GAK: variants seen among roughly 807,000 people sequenced by gnomAD.
The protein encoded by GAK is cyclin G associated kinase, also known as cyclin-G-associated kinase.
In GAK, 79 loss-of-function variants were observed where a neutral mutation model predicts 143.9. The ratio of observed to expected loss-of-function variants is 0.55; its 90% CI spans 0.46 to 0.66. The LOEUF (loss-of-function observed/expected upper bound fraction) is 0.66. GAK is among the 30% of genes least tolerant of loss of function. The probability of loss-of-function intolerance (pLI) is 0.00; values close to 1 mark genes in which losing one functional copy is unlikely to be tolerated. For synonymous variants in GAK, 881 were observed against 765.5 expected (o/e 1.15, Z -2.49); for missense variants, 1,693 against 1,779.7 (o/e 0.95, Z 0.88).
intron 25 of GAK, 120 bp downstream of exon 25, chr4:851,630 G>T (rs756235511): frequency 1.7e-5 from 18 of 1,030,180 alleles, no homozygotes; most frequent in African/African-American, 4.7e-5. Flanking sequence ...TCTCTGAGTG[G>T]CTTGGCCGTG....
chr4:892,925 G>T lies in GAK; in HGVS notation c.990+452C>A, dbSNP rs1275468245. 2.6e-5 allele frequency among the ~76,000 whole-genome samples: 4 copies of T among 152,156 alleles called. No individual in the cohort carries two copies. The East Asian group carries it at 7.7e-4, about 29-fold the overall frequency. On this transcript the variant is annotated intron_variant, in intron 9 of 27. Coordinates refer to ENST00000314167, the MANE Select transcript of GAK (RefSeq NM_005255.4). ...GCATGCCCCCGGGGTCTCGGCCCTGGGCTGCGGTGGTGACCCTGCTCCTGC... is the reference window on the plus strand; with the variant it reads ...GCATGCCCCCGGGGTCTCGGCCCTGTGCTGCGGTGGTGACCCTGCTCCTGC...
chr4:868,254 C>T (rs1577084961), intron 20 of GAK, among the ~76,000 whole-genome samples: 1 of 152,294 alleles, frequency 6.6e-6, no homozygotes, highest in East Asian at 1.9e-4. Context: ...CAGCATGGCC[C>T]ATGCTGCCAG....
chr4:877,041 G>A (rs1652693461), intron 17 of GAK, 49 bp downstream of exon 17: 1 of 1,301,618 alleles, frequency 7.7e-7, no homozygotes. Flanking sequence ...AGCCCCCCAT[G>A]AGCCTAGGCG....
chr4:882,890 C>A, intron 13 of GAK, 71 bp from the exon 14 acceptor site: 1 of 1,574,158 alleles, frequency 6.4e-7, no homozygotes, highest in South Asian at 1.1e-5. Context: ...CTAGGAGGGA[C>A]AGCCTGCCTG....
At chr4:918,494 C>T (rs1401961351) in intron 1 of GAK, among the ~76,000 whole-genome samples, 1 of 152,252 alleles carries the variant, frequency 6.6e-6, no homozygotes, top group African/African-American at 2.4e-5. Context: ...CACTGTACAA[C>T]ACGGTGACTA....
intron 3 of GAK, 31 bp downstream of exon 3, chr4:912,704 G>C: frequency 1.3e-6 from 2 of 1,597,090 alleles, no homozygotes; most frequent in Non-Finnish European, 1.7e-6. Context: ...CAAAGCCACC[G>C]TGCTGGCTCC....
At position 881,989 on chromosome 4, in the gene GAK, G is replaced by A. The variant is rs774009838; in HGVS notation, c.1579C>T (p.Arg527Cys). ...VAVCSFLCFC[R>C]LFSTAEAAVY... is the part of the protein sequence containing the mutation. ...GCGGCCTCCGCGGTGCTGAAGAGACGGCAGAAGCACAGGAAGGAGCAGACG... is the reference window on the plus strand; with the variant it reads ...GCGGCCTCCGCGGTGCTGAAGAGACAGCAGAAGCACAGGAAGGAGCAGACG... The change falls in exon 15 of 28, where the codon CGT (arginine) becomes TGT (cysteine). Residue 527 changes from arginine (R) to cysteine (C), a missense_variant. Physicochemically the swap from Arg to Cys is radical, Grantham distance 180 (BLOSUM62 -3). This residue lies in a region of GAK where 871 missense variants were observed against 991.0 expected (regional missense o/e 0.88). Coordinates refer to ENST00000314167, the MANE Select transcript of GAK (RefSeq NM_005255.4). 18 of 1,606,238 alleles carry A rather than the reference G, an allele frequency of 1.1e-5. No homozygotes were observed. The highest frequency in any genetic ancestry group is 1.7e-5 in the Admixed American group (1 of 59,264).
chr4:926,310 T>G (rs1432179580), intron 1 of GAK, among the ~76,000 whole-genome samples: 1 of 152,182 alleles, frequency 6.6e-6, no homozygotes, highest in East Asian at 1.9e-4. Flanking sequence ...GAAGTGGTGT[T>G]GGCCTGTCAC....
chr4:882,142 A>G (rs2152812210), intron 14 of GAK, 102 bp from the exon 15 acceptor site: 2 of 1,284,786 alleles, frequency 1.6e-6, no homozygotes, highest in Non-Finnish European at 2.1e-6. Flanking sequence ...GCAGGGACGC[A>G]GGGCTGTTCC....
At position 865,205 on chromosome 4, in the gene GAK, G is replaced by T; in HGVS notation, c.3083C>A (p.Ser1028Tyr). ...TCCTCCCAGCAGGTCTGGGTTGCTG[G>T]ACGAGGCTGTCATCTTGCTGGGCTC... ...PGEPSKMTAS[S>Y]SNPDLLGGWA... Residue 1028 changes from serine (S) to tyrosine (Y), a missense_variant, in exon 23 of 28, where the codon TCC (serine) becomes TAC (tyrosine). By Grantham distance (144) the Ser-to-Tyr change is moderately radical (BLOSUM62 -2). Transcript: ENST00000314167. 1 of 1,613,354 alleles carries T rather than the reference G, an allele frequency of 6.2e-7. No homozygotes were observed. The highest frequency in any genetic ancestry group is 1.1e-5 in the South Asian group (1 of 91,020).
intron 8 of GAK, 40 bp from the exon 9 acceptor site, chr4:893,529 C>T: frequency 1.4e-6 from 2 of 1,431,710 alleles, no homozygotes; most frequent in Non-Finnish European, 1.9e-6. Flanking sequence ...CACGGTTCCC[C>T]AGGCGGGTCA....
At chr4:886,622 G>A (rs1716388211) in intron 11 of GAK, 1 of 152,284 alleles carries the variant, frequency 6.6e-6, no homozygotes, top group Admixed American at 6.5e-5. Flanking sequence ...CATCCTCTCT[G>A]TCTTGTTTCC....
chr4:888,824 G>A, intron 11 of GAK, 23 bp downstream of exon 11: 1 of 1,590,544 alleles, frequency 6.3e-7, no homozygotes, highest in Non-Finnish European at 8.5e-7. Context: ...GGCAGGTCCA[G>A]GGCTCTGGAG....
chr4:923,631 T>C (rs1724232231), intron 1 of GAK, among the ~76,000 whole-genome samples: 1 of 152,022 alleles, frequency 6.6e-6, no homozygotes, highest in Non-Finnish European at 1.5e-5. Context: ...GCTGTGATCA[T>C]GCCACTGCAC....
chr4:859,612 G>A lies in GAK; in HGVS notation c.3277C>T (p.Leu1093Phe), dbSNP rs373361686. The A allele has an allele frequency of 6.9e-6, 11 of 1,596,870 alleles. No homozygotes were observed. Among genetic ancestry groups the A allele is most frequent in the South Asian group, 2.2e-5 (2 of 90,668 alleles). ...AAAGTGCCCTCCACGTTACCTTGGAGGCCGGAGCTGAGGTCGCCAAGGTCA... is the reference window on the plus strand; with the variant it reads ...AAAGTGCCCTCCACGTTACCTTGGAAGCCGGAGCTGAGGTCGCCAAGGTCA... ...FADLGDLSSG[L>F]QGSPAGFPPG... The change falls in exon 24 of 28, where the codon CTC becomes TTC. Residue 1093 changes from leucine to phenylalanine, a missense_variant. This residue lies in a region of GAK where 822 missense variants were observed against 788.7 expected (regional missense o/e 1.04). Transcript: ENST00000314167.
At position 907,220 on chromosome 4, in the gene GAK, C is replaced by T. The variant is rs192895685; in HGVS notation, c.383-2441G>A. Among the ~76,000 whole-genome samples, 543 of 152,338 alleles carry T rather than the reference C, an allele frequency of 3.6e-3. 5 individuals carry two copies. The highest frequency in any genetic ancestry group is 7.0e-3 in the South Asian group (34 of 4,830). On this transcript the variant is annotated intron_variant, in intron 4 of 27. Coordinates refer to ENST00000314167, the MANE Select transcript of GAK (RefSeq NM_005255.4). ...ACCCACCTGCGTGTCCCCAGCACAG[C>T]CCAGCACTGCCCCCACCTGCACCCA...
chr4:903,684 T>G (rs1331343173), intron 5 of GAK, among the ~76,000 whole-genome samples: 1 of 137,256 alleles, frequency 7.3e-6, no homozygotes, highest in Admixed American at 7.2e-5. Context: ...GTGCGGGGCC[T>G]ATAGTGACAC....
chr4:899,159 C>G (rs955653049), intron 5 of GAK, among the ~76,000 whole-genome samples: 12 of 152,210 alleles, frequency 7.9e-5, no homozygotes, highest in African/African-American at 2.7e-4. Context: ...AAGGAGAAAG[C>G]CTCGCCCCCA....
intron 19 of GAK, chr4:869,426 G>C (rs1711914615): frequency 8.1e-6 from 1 of 124,156 alleles, no homozygotes; most frequent in Non-Finnish European, 1.6e-5. Flanking sequence ...TGCACACACA[G>C]CACAAATGCA....
Sources: allele counts gnomAD v4.1 joint callset (sites outside exome capture counted in the v4.1 genomes callset), GRCh38; gene constraint gnomAD v4.1.1; regional missense constraint gnomAD v4.1.1; transcripts MANE v1.5; gene names NCBI Gene and HGNC (gene_info 2026-07-23, HGNC 2026-07-21).